The following SORCS2 variants were observed in gnomAD, a reference collection of about 807,000 sequenced individuals.
SORCS2 encodes VPS10 domain-containing receptor SorCS2.
Under a neutral mutation model 141.6 loss-of-function variants are expected in SORCS2, and 100 were observed. That is an observed-to-expected ratio of 0.71 (90% confidence interval 0.60 to 0.83). The LOEUF (loss-of-function observed/expected upper bound fraction) is 0.83. SORCS2 is among the 40% of genes least tolerant of loss of function. SORCS2 has a pLI of 0.00. For synonymous variants in SORCS2, 789 were observed against 676.9 expected, an observed-to-expected ratio of 1.17 and a Z score of -2.57; for missense variants, 1,646 against 1,560.2, an observed-to-expected ratio of 1.05 and a Z score of -0.93.
chr4:7,581,721 A>G (rs370603409), intron 3 of SORCS2, among the ~76,000 whole-genome samples: 96 of 152,298 alleles, frequency 6.3e-4, no homozygotes, highest in African/African-American at 2.2e-3. Flanking sequence ...AGGGTCCCCC[A>G]CAGCTCTAGC....
intron 3 of SORCS2, among the ~76,000 whole-genome samples, chr4:7,542,891 C>T (rs1712793799): frequency 6.6e-6 from 1 of 152,248 alleles, no homozygotes; most frequent in African/African-American, 2.4e-5. Flanking sequence ...CACGCTTCCT[C>T]TTCCCTCTTA....
chr4:7,461,743 C>G (rs73093619), intron 2 of SORCS2, among the ~76,000 whole-genome samples: 76 of 152,298 alleles, frequency 5.0e-4, no homozygotes, highest in African/African-American at 1.8e-3. Context: ...ACAGGGCGTT[C>G]TGGGTGCCTC....
rs1412781364 is a variant in SORCS2, at chr4:7,667,250, G to A, written c.1161+37G>A. 3 of 1,587,904 alleles carry A rather than the reference G, an allele frequency of 1.9e-6. No individual in the cohort carries two copies. In the Admixed American group the frequency reaches 5.0e-5, roughly 27 times the overall value. ...CCCATTCCGCCTGGTCCTGTGGCCA[G>A]ACCCTAAGCTTATCCTGACTCATGG... On this transcript the variant is annotated intron_variant, in intron 8 of 26. Transcript: ENST00000507866.
intron 3 of SORCS2, among the ~76,000 whole-genome samples, chr4:7,577,614 G>A (rs1329168244): frequency 6.7e-6 from 1 of 148,508 alleles, no homozygotes; most frequent in East Asian, 2.0e-4. Flanking sequence ...GTTTGGAGAA[G>A]TCATATAGCA....
chr4:7,734,245 C>G, intron 24 of SORCS2, 27 bp from the exon 25 acceptor site: 1 of 1,553,026 alleles, frequency 6.4e-7, no homozygotes, highest in Non-Finnish European at 8.7e-7. Context: ...GCCCGAGGTC[C>G]TCCACTGACA....
At position 7,734,330 on chromosome 4, in the gene SORCS2, C is replaced by T. The variant is rs774447319; in HGVS notation, c.3267C>T (p.Ile1089=). Residue 1089 remains isoleucine (I), a synonymous_variant, in exon 25 of 27, where the codon ATC becomes ATT. Coordinates refer to ENST00000507866, the MANE Select transcript of SORCS2 (RefSeq NM_020777.3). ...GYWAVVVLFV[I]GLFAAGAFIL... The stretch of plus-strand genomic sequence containing the variant: ...GGGCGGTAGTGGTGCTGTTTGTCAT[C>T]GGGCTCTTCGCAGCGGGAGCCTTCA... 48 of 1,597,218 alleles carry T rather than the reference C, an allele frequency of 3.0e-5. No individual in the cohort carries two copies. Among genetic ancestry groups the T allele is most frequent in the South Asian group, 1.6e-4 (14 of 87,242 alleles).
At chr4:7,321,682 G>T (rs1718902591) in intron 1 of SORCS2, among the ~76,000 whole-genome samples, 1 of 152,228 alleles carries the variant, frequency 6.6e-6, no homozygotes, top group African/African-American at 2.4e-5. Context: ...AAAGAGGGCT[G>T]GGCTGGGTGA....
intron 1 of SORCS2, among the ~76,000 whole-genome samples, chr4:7,293,101 G>A (rs1270763541): frequency 6.6e-6 from 1 of 151,992 alleles, no homozygotes; most frequent in Non-Finnish European, 1.5e-5. Context: ...TCAGGAGATC[G>A]AGACTATCCT....
Position 7,728,296 on chromosome 4 carries a change from G to A in SORCS2, c.2870-54G>A, listed in dbSNP as rs543951720. 455 of 1,410,882 alleles carry A rather than the reference G, an allele frequency of 3.2e-4. 7 individuals carry two copies. In the South Asian group the frequency reaches 5.2e-3, roughly 16 times the overall value. 87.4% of individuals were successfully genotyped at this position (1,410,882 alleles called of 1,614,324 possible). A position where few individuals can be genotyped will look rare whatever the true frequency, so the allele number is the denominator to read the frequency against. ...TGCCCCCGACCCCCACCCTGGAGCC[G>A]TCAGAGCCAGGCTGTCCAGAACTGA... On this transcript the variant is annotated intron_variant, in intron 21 of 26. Transcript: ENST00000507866.
intron 25 of SORCS2, chr4:7,735,415 C>T (rs1191932917): frequency 2.6e-5 from 4 of 154,502 alleles, no homozygotes; most frequent in Admixed American, 1.3e-4. Context: ...TGTGTGCCCC[C>T]GTTCCACAGG....
At chr4:7,306,047 C>T (rs187056708) in intron 1 of SORCS2, among the ~76,000 whole-genome samples, 161 of 152,348 alleles carry the variant, frequency 1.1e-3, no homozygotes, top group African/African-American at 3.6e-3. Context: ...CCTTCCTCGA[C>T]ACACTCTTGG....
At chr4:7,694,925 C>A (rs73204708) in intron 11 of SORCS2, among the ~76,000 whole-genome samples, 1 of 151,220 alleles carries the variant, frequency 6.6e-6, no homozygotes, top group Non-Finnish European at 1.5e-5. Context: ...TCTTTCCTGC[C>A]TGAGTCTCTC....
Position 7,734,200 on chromosome 4 carries a change from CGGGATGGGCTG to C in SORCS2, c.3209-63_3209-53del, listed in dbSNP as rs1222353879. ...AGGCTGGGGACGGGTGGGGGACAGA[CGGGATGGGCTG>C]GGGATGGGACAGGGATGGGCGGTGC... On this transcript the variant is annotated intron_variant, in intron 24 of 26. Transcript: ENST00000507866. The C allele has an allele frequency of 3.1e-4, 299 of 975,262 alleles. 3 individuals are homozygous for C. The highest frequency in any genetic ancestry group is 4.0e-5 in the Non-Finnish European group (28 of 708,856). The allele number at this position is 975,262 out of a possible 1,614,324, so 60.4% of individuals were successfully genotyped here.
intron 1 of SORCS2, among the ~76,000 whole-genome samples, chr4:7,313,117 C>T (rs1718299920): frequency 6.6e-6 from 1 of 152,250 alleles, no homozygotes; most frequent in Non-Finnish European, 1.5e-5. Context: ...GGGAGTACAA[C>T]ATGGTTAATT....
chr4:7,682,317 CTA>C (rs1723574878), intron 9 of SORCS2, among the ~76,000 whole-genome samples: 1 of 152,136 alleles, frequency 6.6e-6, no homozygotes, highest in African/African-American at 2.4e-5. Context: ...AGAGGCAATT[CTA>C]TTGGTCCAGG....
At chr4:7,222,257 C>A (rs183517639) in intron 1 of SORCS2, among the ~76,000 whole-genome samples, 6 of 152,274 alleles carry the variant, frequency 3.9e-5, no homozygotes, top group African/African-American at 1.4e-4. Context: ...GCAACAGACA[C>A]GGATGAACAA....
chr4:7,319,392 A>G (rs757469171), intron 1 of SORCS2, among the ~76,000 whole-genome samples: 1 of 152,168 alleles, frequency 6.6e-6, no homozygotes. Context: ...CGTCTGACTT[A>G]CATGGCATTT....
chr4:7,203,046 G>A (rs1727557412), intron 1 of SORCS2, among the ~76,000 whole-genome samples: 1 of 152,186 alleles, frequency 6.6e-6, no homozygotes, highest in Admixed American at 6.5e-5. Flanking sequence ...AAGGTTCGGT[G>A]TGGCAGGAGG....
chr4:7,345,696 T>G (rs549288293), intron 1 of SORCS2, among the ~76,000 whole-genome samples: 10 of 152,204 alleles, frequency 6.6e-5, no homozygotes, highest in Admixed American at 6.5e-4. Context: ...AATCTTCCAG[T>G]GATGGCTTAA....
Sources: gnomAD v4.1 joint callset for allele counts (sites outside exome capture counted in the v4.1 genomes callset) on GRCh38, gnomAD v4.1.1 for gene constraint, MANE v1.5 for transcripts, NCBI Gene and HGNC (gene_info 2026-07-23, HGNC 2026-07-21) for gene names.